Variants in ARHGAP18 observed in about 807,000 individuals in gnomAD.
ARHGAP18 encodes rho GTPase-activating protein 18.
In ARHGAP18, 67 loss-of-function variants were observed where a neutral mutation model predicts 86.2. The ratio of observed to expected loss-of-function variants is 0.78; its 90% CI spans 0.64 to 0.95. ARHGAP18 has a LOEUF of 0.95. ARHGAP18 is among the 40% of genes least tolerant of loss of function. ARHGAP18 has a pLI of 0.00. For synonymous variants in ARHGAP18, 283 were observed against 280.4 expected, an observed-to-expected ratio of 1.01 and a Z score of -0.09; for missense variants, 691 against 780.4, an observed-to-expected ratio of 0.89 and a Z score of 1.37.
At chr6:129,615,712 A>G (rs750528176) in intron 7 of ARHGAP18, among the ~76,000 whole-genome samples, 1 of 152,226 alleles carries the variant, frequency 6.6e-6, no homozygotes, top group Non-Finnish European at 1.5e-5. Flanking sequence ...GCCACAGATA[A>G]TCCCCTTATG....
rs181730362 is a variant in ARHGAP18, at chr6:129,703,830, A to C, written c.113+6194T>G. 2.4e-4 allele frequency among the ~76,000 whole-genome samples: 37 copies of C among 152,380 alleles called. No homozygotes were observed. In the East Asian group the frequency reaches 4.4e-3, roughly 18 times the overall value. The stretch of plus-strand genomic sequence containing the variant: ...CTGGAAAACAATTATCCCCATGGAC[A>C]GGTTTAAATCCATTTAGTCACTAAA... On this transcript the variant is annotated intron_variant, in intron 1 of 14. Transcript: ENST00000368149.
At position 129,689,354 on chromosome 6, in the gene ARHGAP18, C is replaced by T. The variant is rs148585471; in HGVS notation, c.113+20670G>A. On this transcript the variant is annotated intron_variant, in intron 1 of 14. Transcript: ENST00000368149. The stretch of plus-strand genomic sequence containing the variant: ...TGTCACCCAAGCTAGAGTGCAGTAG[C>T]GTGATCTCGGCTCACTGCAATCTCT... Among the ~76,000 whole-genome samples, 184 of 152,258 alleles carry T rather than the reference C, an allele frequency of 1.2e-3. 1 individual carries two copies. Among genetic ancestry groups the T allele is most frequent in the African/African-American group, 3.7e-3 (155 of 41,558 alleles).
intron 14 of ARHGAP18, 74 bp from the exon 15 acceptor site, chr6:129,578,678 A>G: frequency 8.0e-7 from 1 of 1,245,884 alleles, no homozygotes; most frequent in South Asian, 1.3e-5. Flanking sequence ...AAGCTTAATT[A>G]TTTAACTCTT....
intron 1 of ARHGAP18, among the ~76,000 whole-genome samples, chr6:129,642,878 C>T (rs567180774): frequency 3.3e-5 from 5 of 152,076 alleles, no homozygotes; most frequent in Admixed American, 1.3e-4. Flanking sequence ...TAAATGGACC[C>T]ATGATTTATA....
chr6:129,646,505 C>T (rs1321389791), intron 1 of ARHGAP18, among the ~76,000 whole-genome samples: 2 of 152,134 alleles, frequency 1.3e-5, no homozygotes, highest in Non-Finnish European at 2.9e-5. Context: ...AGAGCTTTGG[C>T]TTATGTAGGC....
intron 1 of ARHGAP18, among the ~76,000 whole-genome samples, chr6:129,668,991 C>T (rs1584103529): frequency 6.6e-6 from 1 of 152,142 alleles, no homozygotes; most frequent in East Asian, 1.9e-4. Context: ...TCTTGCATGG[C>T]TGTTAAGAGG....
intron 1 of ARHGAP18, among the ~76,000 whole-genome samples, chr6:129,664,717 G>T (rs1359743196): frequency 6.6e-6 from 1 of 152,194 alleles, no homozygotes; most frequent in Non-Finnish European, 1.5e-5. Context: ...ATTTAGTAGT[G>T]AACAAAACAG....
At chr6:129,692,601 C>A (rs1774546810) in intron 1 of ARHGAP18, among the ~76,000 whole-genome samples, 1 of 152,182 alleles carries the variant, frequency 6.6e-6, no homozygotes, top group Non-Finnish European at 1.5e-5. Flanking sequence ...AGGAAAGCAG[C>A]AACAGTTTGA....
At chr6:129,686,978 CTTTTTTTT>C (rs71028176) in intron 1 of ARHGAP18, among the ~76,000 whole-genome samples, 25,960 of 107,080 alleles carry the variant, frequency 0.24, 2,590 homozygotes, top group South Asian at 0.36. Context: ...TTTTTTTTTT[CTTTTTTTT>C]TTTTTTTTTT....
chr6:129,656,591 C>T (rs1230369521), intron 1 of ARHGAP18, among the ~76,000 whole-genome samples: 1 of 152,088 alleles, frequency 6.6e-6, no homozygotes, highest in Non-Finnish European at 1.5e-5. Context: ...TTGCAGTGAG[C>T]CGAGATCGCA....
At chr6:129,626,830 T>G (rs760263062) in intron 5 of ARHGAP18, among the ~76,000 whole-genome samples, 15 of 152,108 alleles carry the variant, frequency 9.9e-5, no homozygotes, top group Admixed American at 9.8e-4. Flanking sequence ...TTATGTGATA[T>G]TCTAAATATA....
At chr6:129,665,001 GTTA>G (rs1348684540) in intron 1 of ARHGAP18, among the ~76,000 whole-genome samples, 3 of 152,188 alleles carry the variant, frequency 2.0e-5, no homozygotes, top group Non-Finnish European at 4.4e-5. Context: ...TAGGTGAATA[GTTA>G]TTATTGAAAA....
intron 2 of ARHGAP18, among the ~76,000 whole-genome samples, chr6:129,640,182 G>A (rs1773425847): frequency 6.6e-6 from 1 of 150,626 alleles, no homozygotes; most frequent in Admixed American, 6.6e-5. Flanking sequence ...AAATAAACAA[G>A]ATTACTATGT....
At chr6:129,686,947 C>T (rs555200465) in intron 1 of ARHGAP18, among the ~76,000 whole-genome samples, 17 of 149,972 alleles carry the variant, frequency 1.1e-4, no homozygotes, top group Non-Finnish European at 2.1e-4. Flanking sequence ...CCGGCCACCA[C>T]ACCTGGCTAA....
chr6:129,578,985 A>G (rs1224115498), intron 14 of ARHGAP18, among the ~76,000 whole-genome samples: 1 of 151,966 alleles, frequency 6.6e-6, no homozygotes, highest in Non-Finnish European at 1.5e-5. Flanking sequence ...AAATAATAAT[A>G]ATAAAAAAAA....
intron 3 of ARHGAP18, among the ~76,000 whole-genome samples, chr6:129,634,541 G>A (rs1233778563): frequency 6.6e-6 from 1 of 152,092 alleles, no homozygotes; most frequent in Non-Finnish European, 1.5e-5. Flanking sequence ...AAAATACTAT[G>A]CTAAGTGAAA....
intron 12 of ARHGAP18, among the ~76,000 whole-genome samples, chr6:129,586,658 A>G (rs1239956043): frequency 6.6e-6 from 1 of 152,206 alleles, no homozygotes; most frequent in East Asian, 1.9e-4. Context: ...TTAAGTTTTT[A>G]TATACAGAAA....
At chr6:129,634,629 C>T (rs1437024725) in intron 3 of ARHGAP18, among the ~76,000 whole-genome samples, 3 of 151,806 alleles carry the variant, frequency 2.0e-5, no homozygotes, top group Non-Finnish European at 4.4e-5. Context: ...CACAGAGACA[C>T]AAAGCTGACT....
chr6:129,668,367 C>T (rs1727369557), intron 1 of ARHGAP18, among the ~76,000 whole-genome samples: 1 of 143,830 alleles, frequency 7.0e-6, no homozygotes, highest in African/African-American at 2.6e-5. Context: ...AATAATCACA[C>T]ACACACACAC....
Sources: allele counts gnomAD v4.1 joint callset (sites outside exome capture counted in the v4.1 genomes callset), GRCh38; gene constraint gnomAD v4.1.1; transcripts MANE v1.5; gene names NCBI Gene and HGNC (gene_info 2026-07-23, HGNC 2026-07-21).